KANSL2: variants seen among roughly 807,000 people sequenced by gnomAD.
KANSL2 encodes the protein NSL complex protein NSL2.
Under a neutral mutation model 55.6 loss-of-function variants are expected in KANSL2, and 34 were observed. The ratio of observed to expected loss-of-function variants is 0.61; its 90% CI spans 0.46 to 0.81. The LOEUF is 0.81. Ranked by LOEUF, KANSL2 falls within the 40% of genes least tolerant of loss-of-function variation. The pLI is 0.00. For missense variants in KANSL2, 502 were observed against 609.9 expected (o/e 0.82, Z 1.86); for synonymous variants, 209 against 214.3 (o/e 0.98, Z 0.22).
intron 5 of KANSL2, 137 bp from the exon 6 acceptor site, chr12:48,669,409 A>C: frequency 1.6e-6 from 1 of 626,136 alleles, no homozygotes; most frequent in Non-Finnish European, 2.7e-6. Flanking sequence ...TCCAGGTACC[A>C]AGACAGAAAT....
chr12:48,679,613 ACTTT>A, intron 3 of KANSL2, 38 bp downstream of exon 3: 2 of 1,566,664 alleles, frequency 1.3e-6, no homozygotes, highest in Non-Finnish European at 1.7e-6. Flanking sequence ...TTCCCCCTTA[ACTTT>A]CTTCCTCCTT....
In KANSL2 at chr12:48,681,566, G is replaced by A; in HGVS notation, c.67C>T (p.Gln23Ter). ...RGRITPVPRS[Q>*]EPLSCAFTHR... ...GTGAATGCACAAGACAGAGGTTCCT[G>A]AGACCTGGGCACTGGAGTGATCCTC... The change falls in exon 2 of 10, where the codon CAG becomes TAG. Residue 23 changes from glutamine to a stop codon, truncating the protein, a stop_gained. Transcript: ENST00000420613. LOFTEE classifies it high-confidence loss of function. 6.2e-7 allele frequency: 1 copy of A among 1,614,012 alleles called. No individual in the cohort carries two copies.
rs752747162 is a variant in KANSL2, at chr12:48,679,678, C to G, written c.407G>C (p.Arg136Pro). The G allele has an allele frequency of 6.2e-7, 1 of 1,613,472 alleles. No individual in the cohort carries two copies. Among genetic ancestry groups the G allele is most frequent in the African/African-American group, 1.3e-5 (1 of 74,902 alleles). Reference sequence around the variant, plus strand: ...ACCTAGTATTCGGCTGGCTTCACTGCGACTACTTTCTGGAGTCTGAGACCC... The same window carrying G: ...ACCTAGTATTCGGCTGGCTTCACTGGGACTACTTTCTGGAGTCTGAGACCC... ...ELGSQTPESS[R>P]SEASRILDED... Residue 136 changes from arginine (R) to proline (P), a missense_variant, in exon 3 of 10, where the codon CGC (arginine) becomes CCC (proline). By Grantham distance (103) the Arg-to-Pro change is moderately radical. Coordinates refer to ENST00000420613, the MANE Select transcript of KANSL2 (RefSeq NM_017822.4).
intron 7 of KANSL2, among the ~76,000 whole-genome samples, chr12:48,666,799 C>A (rs1377509977): frequency 6.6e-6 from 1 of 152,034 alleles, no homozygotes; most frequent in African/African-American, 2.4e-5. Context: ...ATTGCTTGAC[C>A]CAGGAGTTAA....
intron 6 of KANSL2, among the ~76,000 whole-genome samples, chr12:48,668,153 A>C (rs1939637940): frequency 6.6e-6 from 1 of 152,208 alleles, no homozygotes; most frequent in Admixed American, 6.5e-5. Context: ...TTTAAGAATG[A>C]TCACTTAATT....
intron 6 of KANSL2, 130 bp downstream of exon 6, chr12:48,668,976 A>G: frequency 1.6e-6 from 1 of 609,808 alleles, no homozygotes; most frequent in Non-Finnish European, 2.5e-6. Context: ...GCAGAGGTTG[A>G]GAGATCTCAG....
intron 1 of KANSL2, chr12:48,681,842 C>A (rs1165236326): frequency 8.5e-6 from 6 of 709,248 alleles, no homozygotes; most frequent in Non-Finnish European, 1.5e-5. Flanking sequence ...ATGCCCGGCC[C>A]CACCCCGAAC....
chr12:48,662,712 AAG>A, intron 7 of KANSL2: 1 of 1,162,680 alleles, frequency 8.6e-7, no homozygotes, highest in East Asian at 6.2e-5. Flanking sequence ...GTGGAAAGGA[AAG>A]AGCATAAAAG....
At chr12:48,674,607 T>G (rs996796443) in intron 4 of KANSL2, among the ~76,000 whole-genome samples, 1 of 152,168 alleles carries the variant, frequency 6.6e-6, no homozygotes, top group East Asian at 1.9e-4. Flanking sequence ...TTAACTATAT[T>G]CTGAAGTAAA....
At chr12:48,656,664 T>G (rs930809609) in intron 8 of KANSL2, 1 of 505,780 alleles carries the variant, frequency 2.0e-6, no homozygotes, top group African/African-American at 2.0e-5. Flanking sequence ...TTCTTCCAAC[T>G]GAATTGGCAA....
At chr12:48,669,808 C>T (rs1306526445) in intron 5 of KANSL2, among the ~76,000 whole-genome samples, 1 of 152,074 alleles carries the variant, frequency 6.6e-6, no homozygotes, top group Non-Finnish European at 1.5e-5. Context: ...CGCACCCGGC[C>T]AAAGCTGAAA....
intron 7 of KANSL2, chr12:48,661,217 C>T: frequency 2.1e-6 from 2 of 969,768 alleles, no homozygotes; most frequent in Non-Finnish European, 2.4e-6. Context: ...GGGGAGTGTG[C>T]TAGTACAGAG....
Position 48,654,018 on chromosome 12 carries a change from C to A in KANSL2, c.*26G>T. ...TTGAAGAACGAGAAATTTAAATCCA[C>A]CAAAGTAAAATGGTTCCCCAAACTA... On this transcript the variant is annotated 3_prime_UTR_variant, in exon 10 of 10. Coordinates refer to ENST00000420613, the MANE Select transcript of KANSL2 (RefSeq NM_017822.4). 1 of 1,552,710 alleles carries A rather than the reference C, an allele frequency of 6.4e-7. No homozygotes were observed. Among genetic ancestry groups the A allele is most frequent in the Admixed American group, 2.1e-5 (1 of 46,528 alleles).
intron 6 of KANSL2, among the ~76,000 whole-genome samples, chr12:48,668,457 A>G (rs977112904): frequency 1.3e-5 from 2 of 152,218 alleles, no homozygotes; most frequent in African/African-American, 4.8e-5. Flanking sequence ...CCCATGTGCA[A>G]AAAGTCAGAT....
chr12:48,671,890 C>T lies in KANSL2; in HGVS notation c.618G>A (p.Leu206=). Residue 206 remains leucine (L), a synonymous_variant, in exon 5 of 10, where the codon TTG becomes TTA. Coordinates refer to ENST00000420613, the MANE Select transcript of KANSL2 (RefSeq NM_017822.4). ...GAAGTCGTTTAAACTGATCAATATA[C>T]AACGACTGCAAACGAATTAGCTTTT... is the stretch of plus-strand genomic sequence containing the variant. ...MREKLIRLQS[L]YIDQFKRLQH... The T allele has an allele frequency of 6.2e-7, 1 of 1,606,844 alleles. No individual in the cohort carries two copies.
Position 48,675,536 on chromosome 12 carries a change from A to T in KANSL2, c.545+3500T>A, listed in dbSNP as rs1436757642. On this transcript the variant is annotated intron_variant, in intron 4 of 9. Coordinates refer to ENST00000420613, the MANE Select transcript of KANSL2 (RefSeq NM_017822.4). Reference sequence around the variant, plus strand: ...CTAATATAGAGTTTGTTAAAATGAAATTCACTTTTTGAATACTGAAAATGA... The same window carrying T: ...CTAATATAGAGTTTGTTAAAATGAATTTCACTTTTTGAATACTGAAAATGA... Among the ~76,000 whole-genome samples the T allele has an allele frequency of 2.0e-5, 3 of 152,252 alleles. No homozygotes were observed. In the East Asian group the frequency reaches 5.8e-4, roughly 29 times the overall value.
chr12:48,655,324 T>G (rs1206873692), intron 8 of KANSL2, among the ~76,000 whole-genome samples: 1 of 152,156 alleles, frequency 6.6e-6, no homozygotes, highest in Non-Finnish European at 1.5e-5. Flanking sequence ...ATCCCAGCAC[T>G]TTGGGAGGCC....
At chr12:48,663,574 A>G (rs926933393) in intron 7 of KANSL2, among the ~76,000 whole-genome samples, 10 of 152,168 alleles carry the variant, frequency 6.6e-5, no homozygotes, top group Non-Finnish European at 1.2e-4. Context: ...CACTTAACAA[A>G]AAGACCATGA....
At chr12:48,659,172 T>C (rs559641056) in intron 8 of KANSL2, among the ~76,000 whole-genome samples, 1 of 152,150 alleles carries the variant, frequency 6.6e-6, no homozygotes, top group African/African-American at 2.4e-5. Context: ...CGCACACCTG[T>C]AGTCCCAGCT....
Sources: gnomAD v4.1 joint callset for allele counts (sites outside exome capture counted in the v4.1 genomes callset) on GRCh38, gnomAD v4.1.1 for gene constraint, MANE v1.5 for transcripts, NCBI Gene and HGNC (gene_info 2026-07-23, HGNC 2026-07-21) for gene names.